SGMS1: variants seen among roughly 807,000 people sequenced by gnomAD.
The protein encoded by SGMS1 is sphingomyelin synthase 1, also known as phosphatidylcholine:ceramide cholinephosphotransferase 1.
Under a neutral mutation model 46.2 loss-of-function variants are expected in SGMS1, and 13 were observed. That is an observed-to-expected ratio of 0.28 (90% CI 0.18 to 0.45). The LOEUF is 0.45. Among genes scored for constraint, SGMS1 ranks in the 20% least tolerant of loss-of-function variants. SGMS1 has a pLI of 1.00. For missense variants in SGMS1, 324 were observed against 519.9 expected (o/e 0.62, Z 3.66); for synonymous variants, 203 against 187.8 (o/e 1.08, Z -0.66).
chr10:50,335,330 C>G (rs1847698639), intron 7 of SGMS1: 1 of 152,324 alleles, frequency 6.6e-6, no homozygotes, highest in Admixed American at 6.5e-5. Flanking sequence ...GGGCTGAGCA[C>G]TGGGAGGAAT....
chr10:50,358,170 A>G (rs1021849782), intron 6 of SGMS1, among the ~76,000 whole-genome samples: 2 of 151,298 alleles, frequency 1.3e-5, no homozygotes, highest in East Asian at 1.9e-4. Context: ...ACAAAAGCAA[A>G]AGTAACATGG....
At chr10:50,358,631 G>A (rs1564888134) in intron 6 of SGMS1, among the ~76,000 whole-genome samples, 1 of 152,230 alleles carries the variant, frequency 6.6e-6, no homozygotes, top group Non-Finnish European at 1.5e-5. Flanking sequence ...AGAGGCTGCA[G>A]TAAGCCGAGA....
chr10:50,581,168 AG>A (rs1326791031), intron 2 of SGMS1, among the ~76,000 whole-genome samples: 7 of 152,230 alleles, frequency 4.6e-5, no homozygotes, highest in Non-Finnish European at 8.8e-5. Flanking sequence ...CAAGTAAATA[AG>A]TATGTAAGGA....
At chr10:50,556,657 G>A (rs1271357335) in intron 2 of SGMS1, among the ~76,000 whole-genome samples, 1 of 152,194 alleles carries the variant, frequency 6.6e-6, no homozygotes, top group Non-Finnish European at 1.5e-5. Context: ...AGCAACAACT[G>A]AGAAGTTTGT....
intron 5 of SGMS1, among the ~76,000 whole-genome samples, chr10:50,447,287 T>C (rs1837030648): frequency 6.6e-6 from 1 of 152,270 alleles, no homozygotes; most frequent in East Asian, 1.9e-4. Flanking sequence ...TGATAGTCAC[T>C]AGAGAAATGA....
intron 6 of SGMS1, among the ~76,000 whole-genome samples, chr10:50,432,797 G>A (rs1055124752): frequency 2.6e-5 from 4 of 152,142 alleles, no homozygotes; most frequent in Non-Finnish European, 4.4e-5. Flanking sequence ...AGTTGACTAA[G>A]GTTCTGAGAG....
chr10:50,536,531 T>A (rs902348119), intron 2 of SGMS1, among the ~76,000 whole-genome samples: 1 of 152,192 alleles, frequency 6.6e-6, no homozygotes, highest in Non-Finnish European at 1.5e-5. Context: ...ACTGCTTAAT[T>A]ACAAAAATAA....
Position 50,606,016 on chromosome 10 carries a change from T to A in SGMS1, c.-683-15769A>T, listed in dbSNP as rs1174780905. ...TTTAAAAAGAGTCTCTTGAAAGATG[T>A]TTGTCTTGAACAAATATTTGTACAC... On this transcript the variant is annotated intron_variant, in intron 1 of 10. Coordinates refer to ENST00000361781, the MANE Select transcript of SGMS1 (RefSeq NM_147156.4). 2.6e-5 allele frequency among the ~76,000 whole-genome samples: 4 copies of A among 152,314 alleles called. No homozygotes were observed. The East Asian group carries it at 7.7e-4, about 29-fold the overall frequency.
intron 6 of SGMS1, among the ~76,000 whole-genome samples, chr10:50,368,579 C>T (rs1338857812): frequency 6.6e-6 from 1 of 152,200 alleles, no homozygotes; most frequent in East Asian, 1.9e-4. Context: ...TGGTCTTGAA[C>T]TCCTGACCTC....
intron 2 of SGMS1, among the ~76,000 whole-genome samples, chr10:50,523,282 G>C (rs974827308): frequency 6.6e-6 from 1 of 152,142 alleles, no homozygotes; most frequent in African/African-American, 2.4e-5. Flanking sequence ...TACTGGGAAG[G>C]GTTAAGACTC....
intron 6 of SGMS1, among the ~76,000 whole-genome samples, chr10:50,391,752 A>G (rs1848770830): frequency 6.6e-6 from 1 of 151,886 alleles, no homozygotes. Context: ...AATGGCAAAG[A>G]TGTGGAACCA....
intron 6 of SGMS1, among the ~76,000 whole-genome samples, chr10:50,359,692 A>AC (rs1341732913): frequency 6.6e-6 from 1 of 151,478 alleles, no homozygotes; most frequent in East Asian, 1.9e-4. Flanking sequence ...CAAAAAAAAA[A>AC]AAACTAGAAA....
intron 1 of SGMS1, among the ~76,000 whole-genome samples, chr10:50,601,807 ATG>A (rs1838652504): frequency 6.6e-6 from 1 of 152,216 alleles, no homozygotes; most frequent in Non-Finnish European, 1.5e-5. Context: ...CATATACCTA[ATG>A]AGATATTTTG....
chr10:50,449,288 A>G (rs1227370464), intron 5 of SGMS1, among the ~76,000 whole-genome samples: 1 of 152,196 alleles, frequency 6.6e-6, no homozygotes, highest in Non-Finnish European at 1.5e-5. Flanking sequence ...CTCAGTGTTC[A>G]CAATGTATAA....
chr10:50,559,517 T>TA (rs1421000247), intron 2 of SGMS1, among the ~76,000 whole-genome samples: 2 of 152,202 alleles, frequency 1.3e-5, no homozygotes, highest in Non-Finnish European at 2.9e-5. Context: ...CTATCAAACA[T>TA]ACACTAGAAT....
chr10:50,359,420 A>G (rs1848211034), intron 6 of SGMS1, among the ~76,000 whole-genome samples: 1 of 152,206 alleles, frequency 6.6e-6, no homozygotes, highest in African/African-American at 2.4e-5. Flanking sequence ...TGTAGAAGAA[A>G]AGAGAGAATT....
At chr10:50,582,247 T>C (rs1838441694) in intron 2 of SGMS1, among the ~76,000 whole-genome samples, 2 of 152,208 alleles carry the variant, frequency 1.3e-5, no homozygotes, top group African/African-American at 4.8e-5. Flanking sequence ...AAATCACTAT[T>C]GTCCTCAGAG....
At chr10:50,578,313 A>T (rs1233818155) in intron 2 of SGMS1, among the ~76,000 whole-genome samples, 2 of 152,224 alleles carry the variant, frequency 1.3e-5, no homozygotes, top group Non-Finnish European at 2.9e-5. Flanking sequence ...GTGGGTGGTC[A>T]AGGACAAATG....
chr10:50,610,234 C>A (rs1188849370), intron 1 of SGMS1, among the ~76,000 whole-genome samples: 2 of 152,128 alleles, frequency 1.3e-5, no homozygotes, highest in Admixed American at 1.3e-4. Flanking sequence ...CCCCCTTTTA[C>A]CTAGTCACTT....
Sources: gnomAD v4.1 joint callset for allele counts (sites outside exome capture counted in the v4.1 genomes callset) on GRCh38, gnomAD v4.1.1 for gene constraint, MANE v1.5 for transcripts, NCBI Gene and HGNC (gene_info 2026-07-23, HGNC 2026-07-21) for gene names.